Variants in PTPRB observed in about 807,000 individuals in gnomAD.
The protein encoded by PTPRB is receptor-type tyrosine-protein phosphatase beta.
A neutral mutation model predicts 238.1 loss-of-function variants in PTPRB; 97 were observed. The ratio of observed to expected loss-of-function variants is 0.41; its 90% CI spans 0.35 to 0.48. The LOEUF (loss-of-function observed/expected upper bound fraction) is 0.48. Among genes scored for constraint, PTPRB ranks in the 20% least tolerant of loss-of-function variants. The pLI, the probability that PTPRB is intolerant of heterozygous loss-of-function variation, is 0.30. For missense variants in PTPRB, 2,292 were observed against 2,681.9 expected, an observed-to-expected ratio of 0.85 and a Z score of 3.21; for synonymous variants, 970 against 995.4, an observed-to-expected ratio of 0.97 and a Z score of 0.48.
chr12:70,530,110 A>G (rs1465526561), intron 32 of PTPRB, among the ~76,000 whole-genome samples: 3 of 150,500 alleles, frequency 2.0e-5, no homozygotes, highest in African/African-American at 7.5e-5. Context: ...TAGATTATAG[A>G]AAGATTTCAG....
chr12:70,577,236 A>G (rs928348831), intron 10 of PTPRB, among the ~76,000 whole-genome samples: 3 of 152,194 alleles, frequency 2.0e-5, no homozygotes, highest in Non-Finnish European at 4.4e-5. Flanking sequence ...AATAAGCCTA[A>G]AAACCTATCT....
intron 7 of PTPRB, among the ~76,000 whole-genome samples, chr12:70,591,319 C>T (rs560574814): frequency 1.3e-5 from 2 of 152,054 alleles, no homozygotes; most frequent in Non-Finnish European, 2.9e-5. Flanking sequence ...CTTCAGATCT[C>T]TAATAGCAGA....
intron 7 of PTPRB, chr12:70,592,025 C>A: frequency 1.9e-6 from 1 of 531,426 alleles, no homozygotes; most frequent in Non-Finnish European, 3.4e-6. Context: ...GGTATCAATG[C>A]TAATGCATTT....
intron 3 of PTPRB, among the ~76,000 whole-genome samples, chr12:70,610,129 C>T (rs1445995173): frequency 1.3e-5 from 2 of 152,166 alleles, no homozygotes; most frequent in African/African-American, 2.4e-5. Context: ...GCAATTTCCT[C>T]GTCTCCCGGC....
chr12:70,572,927 A>C (rs1213886109), intron 11 of PTPRB, among the ~76,000 whole-genome samples: 1 of 152,140 alleles, frequency 6.6e-6, no homozygotes, highest in African/African-American at 2.4e-5. Context: ...TTTTACATCC[A>C]TTTGACTGGC....
chr12:70,630,128 T>C (rs1404942987), intron 2 of PTPRB, among the ~76,000 whole-genome samples: 1 of 152,142 alleles, frequency 6.6e-6, no homozygotes, highest in African/African-American at 2.4e-5. Context: ...AAGAGAATTT[T>C]AGACCAATAT....
At chr12:70,558,439 C>A (rs1489143389) in intron 18 of PTPRB, among the ~76,000 whole-genome samples, 1 of 152,130 alleles carries the variant, frequency 6.6e-6, no homozygotes, top group Admixed American at 6.6e-5. Context: ...TATCAACAAC[C>A]AATAACTATC....
intron 13 of PTPRB, among the ~76,000 whole-genome samples, chr12:70,570,358 T>A (rs1425906667): frequency 6.6e-6 from 1 of 152,146 alleles, no homozygotes; most frequent in Non-Finnish European, 1.5e-5. Flanking sequence ...AATTTTATTT[T>A]ATTTTTGAGG....
chr12:70,563,949 C>G (rs568959070), intron 15 of PTPRB, among the ~76,000 whole-genome samples: 2 of 152,122 alleles, frequency 1.3e-5, no homozygotes, highest in Non-Finnish European at 2.9e-5. Flanking sequence ...AGCTATTGGT[C>G]CTTATCATCC....
At chr12:70,596,532 A>T in intron 4 of PTPRB, among the ~76,000 whole-genome samples, 1 of 151,442 alleles carries the variant, frequency 6.6e-6, no homozygotes, top group East Asian at 1.9e-4. Context: ...AAAAAAAAAA[A>T]CCCATTTAGC....
In PTPRB at chr12:70,556,070, G is replaced by C. The variant is rs1592463571; in HGVS notation, c.4793C>G (p.Ser1598Cys). Reference sequence around the variant, plus strand: ...TTCAATACTATAACCATCAAAGTCAGAATCAGGAGGGATCCAAGAACAGGC... The same window carrying C: ...TTCAATACTATAACCATCAAAGTCACAATCAGGAGGGATCCAAGAACAGGC... ...AIACSWIPPD[S>C]DFDGYSIECR... The change falls in exon 19 of 34, where the codon TCT (serine) becomes TGT (cysteine). Residue 1598 changes from serine (S) to cysteine (C), a missense_variant. Ser to Cys is a moderately radical substitution (Grantham distance 112). This residue lies in a region of PTPRB where 683 missense variants were observed against 862.0 expected (regional missense o/e 0.79). Transcript: ENST00000334414. 2.5e-6 allele frequency: 4 copies of C among 1,613,872 alleles called. No homozygotes were observed. The highest frequency in any genetic ancestry group is 3.4e-6 in the Non-Finnish European group (4 of 1,179,798).
chr12:70,606,179 G>A lies in PTPRB; in HGVS notation c.979+2890C>T, dbSNP rs1368619022. ...TCATAACCGTCTCTCACCTCTGCAC[G>A]AGACAACAAGGTCAGGAACCACTTT... On this transcript the variant is annotated intron_variant, in intron 4 of 33. Transcript: ENST00000334414. 2.0e-5 allele frequency among the ~76,000 whole-genome samples: 3 copies of A among 152,268 alleles called. 1 individual carries two copies. Among genetic ancestry groups the A allele is most frequent in the South Asian group, 4.1e-4 (2 of 4,820 alleles).
rs142331085 is a variant in PTPRB, at chr12:70,606,017, G to A, written c.979+3052C>T. Among the ~76,000 whole-genome samples, 10 of 152,232 alleles carry A rather than the reference G, an allele frequency of 6.6e-5. No individual in the cohort carries two copies. In the East Asian group the frequency reaches 7.7e-4, roughly 12 times the overall value. ...GGCTTTCAAAGGATATTCTTGTTGCGTTGACCGTTTAATGACCAAGTAAAC... is the reference window on the plus strand; with the variant it reads ...GGCTTTCAAAGGATATTCTTGTTGCATTGACCGTTTAATGACCAAGTAAAC... On this transcript the variant is annotated intron_variant, in intron 4 of 33. Transcript: ENST00000334414.
At position 70,562,866 on chromosome 12, in the gene PTPRB, C is replaced by A. The variant is rs369171480; in HGVS notation, c.4146G>T (p.Glu1382Asp). ...IVTHSGELSN[E>D]SFIFGRTVPA... is the part of the protein sequence containing the mutation. ...TACCTGTTCTACCAAATATGAAAGA[C>A]TCATTAGACAGCTCCCCACTGTGAG... is the stretch of plus-strand genomic sequence containing the variant. Residue 1382 changes from glutamate (E) to aspartate (D), a missense_variant, in exon 16 of 34, where the codon GAG (glutamate) becomes GAT (aspartate). Transcript: ENST00000334414. 31 of 1,613,862 alleles carry A rather than the reference C, an allele frequency of 1.9e-5. No individual in the cohort carries two copies. Among genetic ancestry groups the A allele is most frequent in the Non-Finnish European group, 2.6e-5 (31 of 1,179,868 alleles).
At chr12:70,625,293 T>C (rs1395175603) in intron 2 of PTPRB, among the ~76,000 whole-genome samples, 1 of 152,206 alleles carries the variant, frequency 6.6e-6, no homozygotes, top group Admixed American at 6.6e-5. Context: ...CAGAATCATA[T>C]TTGGAGCTTG....
intron 8 of PTPRB, among the ~76,000 whole-genome samples, chr12:70,589,525 T>C (rs979197486): frequency 1.3e-5 from 2 of 152,212 alleles, no homozygotes; most frequent in African/African-American, 4.8e-5. Context: ...TGTTTTCTCA[T>C]TTCAGTATCC....
rs142266609 is a variant in PTPRB, at chr12:70,531,903, C to T, written c.6504+132G>A. On this transcript the variant is annotated intron_variant, in intron 32 of 33. Coordinates refer to ENST00000334414, the MANE Select transcript of PTPRB (RefSeq NM_001109754.4). ...AATAACAAGTCTTAGAAAATATCTA[C>T]ATGCAGTTCTTTTTTTCTCTTCCTA... 3.8e-5 allele frequency: 38 copies of T among 997,654 alleles called. No individual in the cohort carries two copies. The African/African-American group carries it at 5.1e-4, about 13-fold the overall frequency. 61.8% of individuals were successfully genotyped at this position (997,654 alleles called of 1,614,324 possible).
chr12:70,609,038 T>C, intron 4 of PTPRB, 31 bp downstream of exon 4: 1 of 1,610,078 alleles, frequency 6.2e-7, no homozygotes, highest in South Asian at 1.1e-5. Context: ...CCGTGTGGCT[T>C]GGCCATCCAA....
At chr12:70,538,865 A>G in intron 27 of PTPRB, 59 bp downstream of exon 27, 1 of 1,354,174 alleles carries the variant, frequency 7.4e-7, no homozygotes, top group Non-Finnish European at 1.0e-6. Context: ...TCATTTTTGG[A>G]GAAAAATGCA....
Sources: gnomAD v4.1 joint callset for allele counts (sites outside exome capture counted in the v4.1 genomes callset) on GRCh38, gnomAD v4.1.1 for gene constraint, gnomAD v4.1.1 regional missense constraint, MANE v1.5 for transcripts, NCBI Gene and HGNC (gene_info 2026-07-23, HGNC 2026-07-21) for gene names.